Variants in RSBN1 observed in about 807,000 individuals in gnomAD.
The protein encoded by RSBN1 is round spermatid basic protein 1.
A neutral mutation model predicts 74.8 loss-of-function variants in RSBN1; 23 were observed. That is an observed-to-expected ratio of 0.31 (90% CI 0.22 to 0.44). The LOEUF (loss-of-function observed/expected upper bound fraction) is 0.44. RSBN1 is among the 20% of genes least tolerant of loss of function. RSBN1 has a pLI of 1.00. For missense variants in RSBN1, 808 were observed against 1,020.9 expected (o/e 0.79, Z 2.84); for synonymous variants, 407 against 379.6 (o/e 1.07, Z -0.84).
intron 1 of RSBN1, among the ~76,000 whole-genome samples, chr1:113,809,894 G>A (rs1316189731): frequency 6.6e-6 from 1 of 152,168 alleles, no homozygotes; most frequent in Non-Finnish European, 1.5e-5. Flanking sequence ...ATATTGGTCA[G>A]CACAAATACA....
At chr1:113,772,078 ATAACT>A (rs1465704393) in intron 4 of RSBN1, among the ~76,000 whole-genome samples, 1 of 152,150 alleles carries the variant, frequency 6.6e-6, no homozygotes, top group Non-Finnish European at 1.5e-5. Context: ...ATATGAATTA[ATAACT>A]TAATAGCTGG....
In RSBN1 at chr1:113,784,597, G is replaced by A. The variant is rs535570054; in HGVS notation, c.1378-6789C>T. On this transcript the variant is annotated intron_variant, in intron 2 of 6. Coordinates refer to ENST00000261441, the MANE Select transcript of RSBN1 (RefSeq NM_018364.5). ...AAGAAGTGTGCAACCTAGATCCCTCGCATGCACAATTCACAACAGAGTTCA... is the reference window on the plus strand; with the variant it reads ...AAGAAGTGTGCAACCTAGATCCCTCACATGCACAATTCACAACAGAGTTCA... Among the ~76,000 whole-genome samples the A allele has an allele frequency of 3.3e-5, 5 of 152,226 alleles. No homozygotes were observed. In the South Asian group the frequency reaches 6.2e-4, roughly 19 times the overall value.
At chr1:113,808,086 C>T (rs1315059213) in intron 1 of RSBN1, among the ~76,000 whole-genome samples, 1 of 152,018 alleles carries the variant, frequency 6.6e-6, no homozygotes, top group African/African-American at 2.4e-5. Flanking sequence ...GGTACCGACA[C>T]TCCAGAAAAT....
chr1:113,801,417 G>A (rs747943350), intron 1 of RSBN1, among the ~76,000 whole-genome samples: 6 of 152,122 alleles, frequency 3.9e-5, no homozygotes, highest in African/African-American at 1.2e-4. Flanking sequence ...TTGAATTACC[G>A]TGGTGGCAAC....
Position 113,765,108 on chromosome 1 carries a change from T to G in RSBN1, c.*872A>C, listed in dbSNP as rs1157987224. The G allele has an allele frequency of 1.3e-5, 2 of 152,312 alleles. No individual in the cohort carries two copies. The highest frequency in any genetic ancestry group is 1.3e-4 in the Admixed American group (2 of 15,288). The allele number at this position is 152,312 out of a possible 1,614,324, so 9.4% of individuals were successfully genotyped here. ...GATTGATGCTCAAAATATGGCAGCC[T>G]CATCAGAAAGACTATTATTATTCTC... On this transcript the variant is annotated 3_prime_UTR_variant, in exon 7 of 7. Transcript: ENST00000261441.
chr1:113,767,734 A>AT (rs1659808173), intron 5 of RSBN1, among the ~76,000 whole-genome samples: 1 of 152,240 alleles, frequency 6.6e-6, no homozygotes, highest in African/African-American at 2.4e-5. Flanking sequence ...GTGTCCACTG[A>AT]TGGATAAACT....
At chr1:113,790,100 AGC>A (rs965584231) in intron 2 of RSBN1, among the ~76,000 whole-genome samples, 2 of 152,170 alleles carry the variant, frequency 1.3e-5, no homozygotes, top group Non-Finnish European at 2.9e-5. Flanking sequence ...AGAAAAAAAA[AGC>A]GGGGGAAAGA....
In RSBN1 at chr1:113,765,607, T is replaced by TA. The variant is rs1659762808; in HGVS notation, c.*372dup. 1.1e-5 allele frequency: 2 copies of TA among 182,118 alleles called. No individual in the cohort carries two copies. The highest frequency in any genetic ancestry group is 4.7e-5 in the African/African-American group (2 of 42,332). The allele number at this position is 182,118 out of a possible 1,614,324, so 11.3% of individuals were successfully genotyped here. A position where few individuals can be genotyped will look rare whatever the true frequency, so the allele number is the denominator to read the frequency against. On this transcript the variant is annotated 3_prime_UTR_variant, in exon 7 of 7. Transcript: ENST00000261441. ...CTAAACCATAAATCTTATTTATCCA[T>TA]AAAAACAGCAAATATGGCAAGAGAC...
In RSBN1 at chr1:113,766,136, C is replaced by G. The variant is rs377637467; in HGVS notation, c.2253G>C (p.Gln751His). The change falls in exon 7 of 7, where the codon CAG (glutamine) becomes CAC (histidine). Residue 751 changes from glutamine (Q) to histidine (H), a missense_variant. Around this residue, in one of 6 missense-constraint regions of RSBN1, gnomAD observed 91 missense variants for 99.6 expected, o/e 0.91. Transcript: ENST00000261441. ...TESEEACTEI[Q>H]LLTTASSSFP... ...AAGATGATGAAGCAGTTGTTAACAG[C>G]TGAATCTCTGTGCATGCTTCTTCAG... is the stretch of plus-strand genomic sequence containing the variant. The G allele has an allele frequency of 1.1e-4, 173 of 1,613,928 alleles. No homozygotes were observed. The highest frequency in any genetic ancestry group is 1.4e-4 in the Non-Finnish European group (171 of 1,179,966).
In RSBN1 at chr1:113,779,273, TACC is replaced by T. The variant is rs1660090834; in HGVS notation, c.1378-1468_1378-1466del. Among the ~76,000 whole-genome samples the T allele has an allele frequency of 2.0e-5, 3 of 152,222 alleles. No homozygotes were observed. The South Asian group carries it at 6.2e-4, about 32-fold the overall frequency. On this transcript the variant is annotated intron_variant, in intron 2 of 6. Coordinates refer to ENST00000261441, the MANE Select transcript of RSBN1 (RefSeq NM_018364.5). Reference sequence around the variant, plus strand: ...ACATAAATGACCATCTAGGATATCTTACCACAATTCTTCACCATTTGTTCTTTA... The same window carrying T: ...ACATAAATGACCATCTAGGATATCTTACAATTCTTCACCATTTGTTCTTTA...
intron 2 of RSBN1, among the ~76,000 whole-genome samples, chr1:113,791,093 G>A (rs1014169043): frequency 3.3e-5 from 5 of 152,054 alleles, no homozygotes; most frequent in African/African-American, 4.8e-5. Flanking sequence ...AGGTAAGTAC[G>A]AGACCAAAGA....
At chr1:113,787,982 A>T (rs1660283160) in intron 2 of RSBN1, among the ~76,000 whole-genome samples, 3 of 152,032 alleles carry the variant, frequency 2.0e-5, no homozygotes, top group Non-Finnish European at 4.4e-5. Flanking sequence ...AAAGAACTTG[A>T]ACAACTTAAG....
At chr1:113,767,308 G>A in intron 5 of RSBN1, 101 bp from the exon 6 acceptor site, 1 of 583,140 alleles carries the variant, frequency 1.7e-6, no homozygotes, top group South Asian at 2.8e-5. Flanking sequence ...TACCAGCAGA[G>A]AAATAGATGC....
chr1:113,773,760 T>C (rs1019683497), intron 4 of RSBN1, among the ~76,000 whole-genome samples: 5 of 151,936 alleles, frequency 3.3e-5, no homozygotes, highest in Non-Finnish European at 5.9e-5. Context: ...ATCCCAGCAC[T>C]TGGGGAGGCT....
chr1:113,774,027 A>G (rs1209051013), intron 4 of RSBN1, among the ~76,000 whole-genome samples: 1 of 152,050 alleles, frequency 6.6e-6, no homozygotes, highest in Non-Finnish European at 1.5e-5. Flanking sequence ...AAAAGAAAAC[A>G]AACACGCATA....
rs376207062 is a variant in RSBN1 at position 113,812,232 on chromosome 1, C to G, written c.181G>C (p.Ala61Pro). Residue 61 changes from alanine to proline, a missense_variant, in exon 1 of 7, where the codon GCG becomes CCG. Transcript: ENST00000261441. The part of the protein sequence containing the change: ...AQVGAVRVVR[A>P]VAAQEEPDKE... Reference sequence around the variant, plus strand: ...TCCGGCTCCTCCTGCGCCGCCACCGCCCGTACTACGCGCACCGCTCCGACC... The same window carrying G: ...TCCGGCTCCTCCTGCGCCGCCACCGGCCGTACTACGCGCACCGCTCCGACC... 1 of 1,606,756 alleles carries G rather than the reference C, an allele frequency of 6.2e-7. No homozygotes were observed. The highest frequency in any genetic ancestry group is 8.5e-7 in the Non-Finnish European group (1 of 1,179,860).
In RSBN1 at chr1:113,811,914, T is replaced by C; in HGVS notation, c.499A>G (p.Thr167Ala). ...AVAAPLPAPS[T>A]SALFTFSPLT... ...GGCGAGAAGGTGAAGAGGGCCGAGG[T>C]GCTTGGGGCCGGGAGAGGGGCAGCG... is the stretch of plus-strand genomic sequence containing the variant. Residue 167 changes from threonine to alanine, a missense_variant, in exon 1 of 7, where the codon ACC becomes GCC. Coordinates refer to ENST00000261441, the MANE Select transcript of RSBN1 (RefSeq NM_018364.5). 3.1e-6 allele frequency: 5 copies of C among 1,606,262 alleles called. No homozygotes were observed. The highest frequency in any genetic ancestry group is 4.3e-6 in the Non-Finnish European group (5 of 1,176,226).
rs909243831 is a variant in RSBN1 at position 113,805,122 on chromosome 1, A to AT, written c.703+6587dup. On this transcript the variant is annotated intron_variant, in intron 1 of 6. Transcript: ENST00000261441. ...ATTTTTAAGGAAGTATGTTTGTCCT[A>AT]TTTTTTTTTTTGAAACGGAGTCTGA... is the stretch of plus-strand genomic sequence containing the variant. 2.1e-3 allele frequency among the ~76,000 whole-genome samples: 311 copies of AT among 146,996 alleles called. 1 individual carries two copies. The highest frequency in any genetic ancestry group is 5.4e-3 in the African/African-American group (219 of 40,382).
At chr1:113,779,091 A>G (rs1660086963) in intron 2 of RSBN1, among the ~76,000 whole-genome samples, 1 of 152,162 alleles carries the variant, frequency 6.6e-6, no homozygotes, top group African/African-American at 2.4e-5. Context: ...GTTACCTAGC[A>G]TTTTCTACCT....
Sources: gnomAD v4.1 joint callset for allele counts (sites outside exome capture counted in the v4.1 genomes callset) on GRCh38, gnomAD v4.1.1 for gene constraint, gnomAD v4.1.1 regional missense constraint, MANE v1.5 for transcripts, NCBI Gene and HGNC (gene_info 2026-07-23, HGNC 2026-07-21) for gene names.